GRID2: variants seen among roughly 807,000 people sequenced by gnomAD.
GRID2 encodes the protein glutamate ionotropic receptor delta type subunit 2, also known as glutamate receptor ionotropic, delta-2.
GRID2 carries 33 observed loss-of-function variants against 114.8 expected under a neutral mutation model. The observed-to-expected ratio is 0.29, with a 90% CI of 0.22 to 0.38. The LOEUF (loss-of-function observed/expected upper bound fraction) is 0.38, where lower values mean the gene tolerates loss of function less well. Among genes scored for constraint, GRID2 ranks in the 10% least tolerant of loss-of-function variants. The pLI is 1.00. For missense variants in GRID2, 1,184 were observed against 1,257.7 expected (o/e 0.94, Z 0.89); for synonymous variants, 505 against 449.9 (o/e 1.12, Z -1.55).
chr4:92,379,964 G>A (rs1303140877), intron 1 of GRID2, among the ~76,000 whole-genome samples: 2 of 151,910 alleles, frequency 1.3e-5, no homozygotes, highest in African/African-American at 4.8e-5. Context: ...TGTTGCTTTG[G>A]AGAAGAAAAT....
intron 2 of GRID2, among the ~76,000 whole-genome samples, chr4:92,609,214 G>A (rs1012626383): frequency 9.9e-5 from 15 of 151,718 alleles, no homozygotes; most frequent in Middle Eastern, 3.4e-3. Flanking sequence ...CAGTCTGCTC[G>A]AGGTTATTTA....
intron 2 of GRID2, among the ~76,000 whole-genome samples, chr4:92,677,982 A>G (rs999135736): frequency 6.6e-6 from 1 of 152,004 alleles, no homozygotes; most frequent in Non-Finnish European, 1.5e-5. Flanking sequence ...CACTCCACCC[A>G]TGCCACATTG....
chr4:93,175,410 A>G (rs567111036), intron 4 of GRID2, among the ~76,000 whole-genome samples: 83 of 152,260 alleles, frequency 5.5e-4, no homozygotes, highest in African/African-American at 1.9e-3. Context: ...ACCTCAAGCG[A>G]TCCACCTGCC....
intron 14 of GRID2, among the ~76,000 whole-genome samples, chr4:93,692,007 C>T (rs2196321): frequency 0.52 from 78,831 of 151,804 alleles, 20,845 homozygotes; most frequent in East Asian, 0.72. Flanking sequence ...TACATATGCT[C>T]AGTATTGTTC....
chr4:93,593,953 C>G (rs1245874576), intron 13 of GRID2, among the ~76,000 whole-genome samples: 2 of 151,608 alleles, frequency 1.3e-5, no homozygotes, highest in Non-Finnish European at 2.9e-5. Context: ...GTTATACATT[C>G]TTCTAAATTT....
intron 13 of GRID2, among the ~76,000 whole-genome samples, chr4:93,620,408 C>T (rs6816016): frequency 0.041 from 6,265 of 152,168 alleles, 432 homozygotes; most frequent in African/African-American, 0.14. Flanking sequence ...ATTGTCCTCC[C>T]GATTCAAATC....
chr4:92,592,687 A>G (rs912403184), intron 2 of GRID2, among the ~76,000 whole-genome samples: 1 of 152,116 alleles, frequency 6.6e-6, no homozygotes, highest in African/African-American at 2.4e-5. Flanking sequence ...GATGTTCTCC[A>G]CCAGTTATTG....
intron 14 of GRID2, among the ~76,000 whole-genome samples, chr4:93,756,470 G>A (rs943473460): frequency 6.6e-6 from 1 of 152,198 alleles, no homozygotes; most frequent in Non-Finnish European, 1.5e-5. Flanking sequence ...CAAGGTTTCA[G>A]CAAGGTAGAT....
chr4:92,480,503 T>C (rs201066121), intron 1 of GRID2, among the ~76,000 whole-genome samples: 2 of 152,142 alleles, frequency 1.3e-5, no homozygotes. Flanking sequence ...CCTGAGGCTG[T>C]TGTACCAAAT....
intron 2 of GRID2, chr4:92,702,780 G>A (rs1560541249): frequency 6.6e-6 from 1 of 151,310 alleles, no homozygotes; most frequent in Non-Finnish European, 1.5e-5. Flanking sequence ...ATACCTTTTT[G>A]GGTATTATAG....
rs542911349 is a variant in GRID2 at position 92,934,422 on chromosome 4, A to G, written c.245-150573A>G. The stretch of plus-strand genomic sequence containing the variant: ...TGAAGCTGCTTATCAGCTTAAGGAG[A>G]TTTTGGGCTGAGACAATGGGGTTTT... On this transcript the variant is annotated intron_variant, in intron 2 of 15. Transcript: ENST00000282020. Among the ~76,000 whole-genome samples, 130 of 148,828 alleles carry G rather than the reference A, an allele frequency of 8.7e-4. 1 individual carries two copies. The highest frequency in any genetic ancestry group is 2.9e-3 in the African/African-American group (120 of 41,368).
intron 2 of GRID2, among the ~76,000 whole-genome samples, chr4:92,972,388 G>T (rs1753578377): frequency 1.3e-5 from 2 of 151,888 alleles, no homozygotes; most frequent in Admixed American, 1.3e-4. Context: ...AGAAAATGTA[G>T]AAATATAGAG....
chr4:93,737,072 A>G (rs1252669080), intron 14 of GRID2, among the ~76,000 whole-genome samples: 1 of 151,976 alleles, frequency 6.6e-6, no homozygotes, highest in African/African-American at 2.4e-5. Flanking sequence ...GCAGCTAATG[A>G]TTTTTAGTTG....
chr4:93,044,001 A>C (rs1383493724), intron 2 of GRID2, among the ~76,000 whole-genome samples: 1 of 151,954 alleles, frequency 6.6e-6, no homozygotes, highest in Admixed American at 6.6e-5. Context: ...ACCTTACATG[A>C]AAAAGTAATG....
Position 92,770,675 on chromosome 4 carries a change from C to T in GRID2, c.244+180389C>T, listed in dbSNP as rs766765635. Among the ~76,000 whole-genome samples, 99 of 152,064 alleles carry T rather than the reference C, an allele frequency of 6.5e-4. 1 individual carries two copies. Among genetic ancestry groups the T allele is most frequent in the Admixed American group, 1.8e-3 (27 of 15,260 alleles). On this transcript the variant is annotated intron_variant, in intron 2 of 15. Transcript: ENST00000282020. ...GTGGCAGGCAAAGAGAGAACTTGTG[C>T]GGGGAAACTCCCATTTTTAAAACCA...
intron 9 of GRID2, among the ~76,000 whole-genome samples, chr4:93,411,891 G>A (rs1479568987): frequency 6.7e-6 from 1 of 149,382 alleles, no homozygotes; most frequent in African/African-American, 2.5e-5. Context: ...CCTGAACTAT[G>A]TTGAAATGCA....
intron 1 of GRID2, among the ~76,000 whole-genome samples, chr4:93,805,224 T>C (rs188192913): frequency 5.9e-5 from 9 of 152,340 alleles, no homozygotes; most frequent in African/African-American, 2.2e-4. Context: ...AAAACTTAAC[T>C]TCATGTTGAA....
At chr4:93,456,057 T>A in intron 11 of GRID2, 83 bp downstream of exon 11, 1 of 790,830 alleles carries the variant, frequency 1.3e-6, no homozygotes, top group South Asian at 1.6e-5. Flanking sequence ...AATAAGGTTC[T>A]GTATCTGACA....
chr4:93,593,061 A>C (rs1738580394), intron 13 of GRID2, among the ~76,000 whole-genome samples: 1 of 151,846 alleles, frequency 6.6e-6, no homozygotes, highest in South Asian at 2.1e-4. Context: ...ATTTACATTT[A>C]AAGTTAATAG....
Sources: allele counts gnomAD v4.1 joint callset (sites outside exome capture counted in the v4.1 genomes callset), GRCh38; gene constraint gnomAD v4.1.1; transcripts MANE v1.5; gene names NCBI Gene and HGNC (gene_info 2026-07-23, HGNC 2026-07-21).